N4BP2L2: variants seen among roughly 807,000 people sequenced by gnomAD.
The protein encoded by N4BP2L2 is NEDD4-binding protein 2-like 2.
N4BP2L2 carries 50 observed loss-of-function variants against 56.2 expected under a neutral mutation model. The ratio of observed to expected loss-of-function variants is 0.89; its 90% CI spans 0.71 to 1.13. N4BP2L2 has a LOEUF of 1.13. Among genes scored for constraint, N4BP2L2 ranks in the 50% most tolerant of loss-of-function variants. N4BP2L2 has a pLI of 0.00. For synonymous variants in N4BP2L2, 203 were observed against 223.6 expected (o/e 0.91, Z 0.82); for missense variants, 689 against 693.8 (o/e 0.99, Z 0.08).
intron 6 of N4BP2L2, among the ~76,000 whole-genome samples, chr13:32,452,288 C>T (rs767802680): frequency 6.6e-6 from 1 of 151,894 alleles, no homozygotes; most frequent in Non-Finnish European, 1.5e-5. Flanking sequence ...CTTGAACTCC[C>T]GACCTCAGGT....
At chr13:32,451,288 T>A (rs1050933156) in intron 6 of N4BP2L2, among the ~76,000 whole-genome samples, 4 of 150,836 alleles carry the variant, frequency 2.7e-5, no homozygotes, top group East Asian at 1.9e-4. Flanking sequence ...AAGAAAAAAA[T>A]ATATATACAC....
chr13:32,464,121 C>T (rs1218390702), intron 6 of N4BP2L2, among the ~76,000 whole-genome samples: 1 of 152,114 alleles, frequency 6.6e-6, no homozygotes, highest in Non-Finnish European at 1.5e-5. Context: ...AAGACAACTA[C>T]ATAAAACAAT....
chr13:32,511,239 A>G (rs1010880109), exon 6 of N4BP2L2: 4 of 152,192 alleles, frequency 2.6e-5, no homozygotes, highest in African/African-American at 9.7e-5. Flanking sequence ...TACTATTAAG[A>G]CTTTTTGCTA....
intron 6 of N4BP2L2, among the ~76,000 whole-genome samples, chr13:32,501,759 G>A (rs1218230322): frequency 6.6e-6 from 1 of 151,894 alleles, no homozygotes; most frequent in Non-Finnish European, 1.5e-5. Flanking sequence ...AGCTTGCATT[G>A]AGCCGAGATC....
intron 6 of N4BP2L2, among the ~76,000 whole-genome samples, chr13:32,484,252 A>G (rs555817883): frequency 6.6e-6 from 1 of 152,062 alleles, no homozygotes; most frequent in Non-Finnish European, 1.5e-5. Context: ...GCTTCAGCCT[A>G]GGAGGTCAAG....
intron 6 of N4BP2L2, among the ~76,000 whole-genome samples, chr13:32,469,894 T>C (rs557978586): frequency 6.6e-5 from 10 of 152,282 alleles, no homozygotes; most frequent in African/African-American, 2.2e-4. Context: ...TGTAAAGACT[T>C]TTCTGTTTGA....
intron 6 of N4BP2L2, among the ~76,000 whole-genome samples, chr13:32,447,264 T>C (rs1411378256): frequency 2.6e-5 from 4 of 152,120 alleles, no homozygotes; most frequent in African/African-American, 9.7e-5. Flanking sequence ...CAAGAGGAAG[T>C]GAGAGGAGAT....
chr13:32,531,890 T>A (rs1296977191), intron 2 of N4BP2L2, among the ~76,000 whole-genome samples: 1 of 151,762 alleles, frequency 6.6e-6, no homozygotes, highest in Non-Finnish European at 1.5e-5. Flanking sequence ...AGAATATGTT[T>A]CCTTGCCTTT....
chr13:32,486,366 A>G (rs1196286450), intron 6 of N4BP2L2, among the ~76,000 whole-genome samples: 1 of 152,190 alleles, frequency 6.6e-6, no homozygotes, highest in Non-Finnish European at 1.5e-5. Flanking sequence ...TAGGGATGTA[A>G]TTAAAAACTA....
chr13:32,472,458 G>A (rs2082493004), intron 6 of N4BP2L2, among the ~76,000 whole-genome samples: 1 of 152,120 alleles, frequency 6.6e-6, no homozygotes, highest in South Asian at 2.1e-4. Context: ...ATGAAGAACA[G>A]TTTCTTTTTT....
chr13:32,433,931 C>CAAAAAAAAAAAAAAAAA (rs60540916), intron 9 of N4BP2L2, among the ~76,000 whole-genome samples: 1 of 86,124 alleles, frequency 1.2e-5, no homozygotes, highest in Non-Finnish European at 2.2e-5. Context: ...GACCGTGTCT[C>CAAAAAAAAAAAAAAAAA]AAAAAAAAAA....
intron 6 of N4BP2L2, among the ~76,000 whole-genome samples, chr13:32,452,872 T>C (rs1164014700): frequency 2.0e-5 from 3 of 152,192 alleles, no homozygotes; most frequent in Non-Finnish European, 4.4e-5. Context: ...CCATTCAACA[T>C]TGTATAGTCC....
chr13:32,478,364 T>C (rs532922889), intron 6 of N4BP2L2: 1 of 236,040 alleles, frequency 4.2e-6, no homozygotes, highest in African/African-American at 2.2e-5. Flanking sequence ...TACCCTGTTA[T>C]CTGTGTGCCA....
chr13:32,480,505 T>C, intron 6 of N4BP2L2: 1 of 756,806 alleles, frequency 1.3e-6, no homozygotes. Context: ...TCTTCAACAA[T>C]AAAGAGACTT....
intron 8 of N4BP2L2, among the ~76,000 whole-genome samples, chr13:32,436,868 T>TTATC (rs1413479974): frequency 1.3e-4 from 17 of 130,578 alleles, no homozygotes; most frequent in African/African-American, 6.6e-4. Context: ...ATCTATCTAT[T>TTATC]TATTTATTTA....
chr13:32,500,853 C>A (rs2089865868), intron 6 of N4BP2L2, among the ~76,000 whole-genome samples: 1 of 148,418 alleles, frequency 6.7e-6, no homozygotes, highest in Non-Finnish European at 1.5e-5. Flanking sequence ...AACTCTGTCA[C>A]TTTAGTCTTT....
intron 7 of N4BP2L2, among the ~76,000 whole-genome samples, chr13:32,441,149 C>T (rs1251420394): frequency 6.6e-6 from 1 of 152,184 alleles, no homozygotes; most frequent in Non-Finnish European, 1.5e-5. Flanking sequence ...GCCACCACAT[C>T]CAGCCCCAAA....
At chr13:32,453,149 C>G (rs925864494) in intron 6 of N4BP2L2, among the ~76,000 whole-genome samples, 4 of 152,066 alleles carry the variant, frequency 2.6e-5, no homozygotes, top group Non-Finnish European at 5.9e-5. Flanking sequence ...GTCCCAGCTA[C>G]TTGGGAGGCT....
intron 9 of N4BP2L2, among the ~76,000 whole-genome samples, chr13:32,434,075 T>C (rs1053355416): frequency 6.6e-6 from 1 of 151,782 alleles, no homozygotes; most frequent in African/African-American, 2.4e-5. Flanking sequence ...CACAGTTTTT[T>C]GTGTTTTGTT....
Sources: gnomAD v4.1 joint callset for allele counts (sites outside exome capture counted in the v4.1 genomes callset) on GRCh38, gnomAD v4.1.1 for gene constraint, MANE v1.5 for transcripts, NCBI Gene and HGNC (gene_info 2026-07-23, HGNC 2026-07-21) for gene names.